CYP4V2: variants seen among roughly 807,000 people sequenced by gnomAD.
CYP4V2 encodes cytochrome P450 4V2.
Under a neutral mutation model 60.8 loss-of-function variants are expected in CYP4V2, and 55 were observed. That is an observed-to-expected ratio of 0.90 (90% CI 0.73 to 1.13). The LOEUF (loss-of-function observed/expected upper bound fraction) is 1.13. Among genes scored for constraint, CYP4V2 ranks in the 50% most tolerant of loss-of-function variants. The pLI is 0.00. For synonymous variants in CYP4V2, 239 were observed against 236.8 expected, an observed-to-expected ratio of 1.01 and a Z score of -0.08; for missense variants, 675 against 662.9, an observed-to-expected ratio of 1.02 and a Z score of -0.20.
At chr4:186,202,327 T>G (rs1365572664) in intron 7 of CYP4V2, 1 of 152,194 alleles carries the variant, frequency 6.6e-6, no homozygotes, top group African/African-American at 2.4e-5. Flanking sequence ...TAGAGAGGTG[T>G]TAAGTGTGTG....
Position 186,210,628 on chromosome 4 carries a change from C to G in CYP4V2, c.1565C>G (p.Ala522Gly), listed in dbSNP as rs1266505293. 6.2e-7 allele frequency: 1 copy of G among 1,613,978 alleles called. No individual in the cohort carries two copies. Residue 522 changes from alanine (A) to glycine (G), a missense_variant, in exon 11 of 11, where the codon GCA becomes GGA. Ala to Gly is a moderately conservative substitution (Grantham distance 60, BLOSUM62 0). Transcript: ENST00000378802. ...GIWIKLKRRNADER is the reference protein window; with the variant it reads ...GIWIKLKRRNGDER ...TGGATCAAGTTGAAGAGGAGAAATG[C>G]AGATGAACGCTAACTATATTATTGG...
chr4:186,192,284 C>T (rs906793116), intron 1 of CYP4V2: 7 of 696,442 alleles, frequency 1.0e-5, no homozygotes, highest in Non-Finnish European at 1.8e-5. Context: ...CCCCTGCCCT[C>T]GGTCTTTTCC....
intron 7 of CYP4V2, chr4:186,204,722 C>T (rs1247256780): frequency 1.7e-5 from 4 of 237,926 alleles, no homozygotes; most frequent in Non-Finnish European, 3.4e-5. Flanking sequence ...TTGCCTAAAA[C>T]TCAGCAAGTA....
intron 7 of CYP4V2, chr4:186,202,508 G>A (rs778431774): frequency 1.3e-5 from 2 of 152,010 alleles, no homozygotes; most frequent in Non-Finnish European, 2.9e-5. Flanking sequence ...ATAAGTATGC[G>A]GCACATACCG....
In CYP4V2 at chr4:186,212,644, G is replaced by A. The variant is rs1736762996; in HGVS notation, c.*2003G>A. On this transcript the variant is annotated 3_prime_UTR_variant, in exon 11 of 11. Coordinates refer to ENST00000378802, the MANE Select transcript of CYP4V2 (RefSeq NM_207352.4). ...GGTCAATGGCTTTTGGAACTGGAAG[G>A]ACCTTAGAACTTATCTGTTATGCTC... 1.3e-5 allele frequency: 2 copies of A among 152,224 alleles called. 1 individual carries two copies. Among genetic ancestry groups the A allele is most frequent in the Admixed American group, 1.3e-4 (2 of 15,280 alleles). The allele number at this position is 152,224 out of a possible 1,614,324, so 9.4% of individuals were successfully genotyped here.
intron 7 of CYP4V2, chr4:186,202,342 C>G (rs1326106260): frequency 6.6e-6 from 1 of 152,186 alleles, no homozygotes; most frequent in East Asian, 1.9e-4. Context: ...TGTGTGGGCT[C>G]TAAGATCAAA....
chr4:186,207,278 A>G (rs1736538691), intron 8 of CYP4V2, among the ~76,000 whole-genome samples: 2 of 151,806 alleles, frequency 1.3e-5, no homozygotes, highest in Non-Finnish European at 2.9e-5. Context: ...GCATGGTGGC[A>G]GGTGCCTGTA....
At chr4:186,205,154 C>T (rs200233718) in intron 7 of CYP4V2, 46 bp from the exon 8 acceptor site, 30 of 1,571,776 alleles carry the variant, frequency 1.9e-5, no homozygotes, top group South Asian at 3.3e-5. Context: ...TCCTAATCAT[C>T]GCAGCATAAC....
At position 186,195,395 on chromosome 4, in the gene CYP4V2, G is replaced by C. The variant is rs1018638713; in HGVS notation, c.328-608G>C. On this transcript the variant is annotated intron_variant, in intron 2 of 10. Transcript: ENST00000378802. The surrounding 1 kb of genome is among the most constrained non-coding windows in gnomAD (Gnocchi z 4.1). ...AGTTGGTGTGGTGGATGCAGATGGA[G>C]ATCTGTCCAGAGTAGGGGACTTGAG... is the stretch of plus-strand genomic sequence containing the variant. Among the ~76,000 whole-genome samples the C allele has an allele frequency of 2.6e-5, 4 of 152,216 alleles. No individual in the cohort carries two copies. The highest frequency in any genetic ancestry group is 4.8e-5 in the African/African-American group (2 of 41,452).
intron 7 of CYP4V2, chr4:186,202,667 CAG>C (rs1736345439): frequency 6.1e-5 from 4 of 65,072 alleles, no homozygotes; most frequent in Admixed American, 1.7e-4. Context: ...TACACATGCA[CAG>C]ACACATGTAT....
At chr4:186,205,966 C>T (rs1201674160) in intron 8 of CYP4V2, among the ~76,000 whole-genome samples, 1 of 152,188 alleles carries the variant, frequency 6.6e-6, no homozygotes, top group East Asian at 1.9e-4. Context: ...GGGAGGTTCA[C>T]AGCAGCGACG....
rs769304890 is a variant in CYP4V2 at position 186,191,812 on chromosome 4, C to T, written c.-12C>T. On this transcript the variant is annotated 5_prime_UTR_variant, in exon 1 of 11. Coordinates refer to ENST00000378802, the MANE Select transcript of CYP4V2 (RefSeq NM_207352.4). ...TTTCCCGGAGTGCACCCCGCGGCCG[C>T]CAGCCGGGGCGATGGCGGGGCTCTG... 1 of 1,538,806 alleles carries T rather than the reference C, an allele frequency of 6.5e-7. No individual in the cohort carries two copies. The highest frequency in any genetic ancestry group is 8.7e-7 in the Non-Finnish European group (1 of 1,149,478).
intron 2 of CYP4V2, 86 bp downstream of exon 2, chr4:186,194,698 A>G: frequency 8.5e-7 from 1 of 1,179,970 alleles, no homozygotes; most frequent in Non-Finnish European, 1.3e-6. Context: ...GTGTCCTTAT[A>G]TTTCAGCCAT....
chr4:186,197,288 G>A, intron 4 of CYP4V2, 158 bp downstream of exon 4: 1 of 966,014 alleles, frequency 1.0e-6, no homozygotes, highest in Non-Finnish European at 1.6e-6. Flanking sequence ...AGGAGCAGCA[G>A]CCACGCCCAG....
rs2126590868 is a variant in CYP4V2, at chr4:186,202,394, C to T, written c.987+1052C>T. ...GGGACCATGACCTCAAGCACCTCAC[C>T]TAGCCGTTCTGGGCCTGAATATTCT... On this transcript the variant is annotated intron_variant, in intron 7 of 10. Coordinates refer to ENST00000378802, the MANE Select transcript of CYP4V2 (RefSeq NM_207352.4). 1.3e-5 allele frequency: 2 copies of T among 152,264 alleles called. 1 individual carries two copies. Among genetic ancestry groups the T allele is most frequent in the Middle Eastern group, 6.8e-3 (2 of 294 alleles). 9.4% of individuals were successfully genotyped at this position (152,264 alleles called of 1,614,324 possible).
In CYP4V2 at chr4:186,208,858, T is replaced by C; in HGVS notation, c.1091-7T>C. 6.2e-7 allele frequency: 1 copy of C among 1,614,222 alleles called. No individual in the cohort carries two copies. The highest frequency in any genetic ancestry group is 8.5e-7 in the Non-Finnish European group (1 of 1,180,038). On this transcript the variant is annotated splice_polypyrimidine_tract_variant and splice_region_variant and intron_variant, in intron 8 of 10. Coordinates refer to ENST00000378802, the MANE Select transcript of CYP4V2 (RefSeq NM_207352.4). Reference sequence around the variant, plus strand: ...TTCAGGTCATCTTATCTACTTGCTTTCATCAGGGAAGTCTGACCGTCCCGC... The same window carrying C: ...TTCAGGTCATCTTATCTACTTGCTTCCATCAGGGAAGTCTGACCGTCCCGC...
At chr4:186,199,965 A>G (rs1736260809) in intron 6 of CYP4V2, among the ~76,000 whole-genome samples, 1 of 152,204 alleles carries the variant, frequency 6.6e-6, no homozygotes, top group African/African-American at 2.4e-5. Flanking sequence ...AATGATGAAT[A>G]AATCAGTAGA....
intron 7 of CYP4V2, chr4:186,204,982 G>T: frequency 3.3e-6 from 2 of 608,514 alleles, no homozygotes; most frequent in Non-Finnish European, 5.9e-6. Context: ...GTGCAACACC[G>T]TGCGGCGTGG....
chr4:186,192,344 G>C (rs1736016303), intron 1 of CYP4V2: 1 of 608,020 alleles, frequency 1.6e-6, no homozygotes, highest in Non-Finnish European at 3.1e-6. Context: ...CTCCTGCCTT[G>C]GCTTGGGAAG....
Sources: allele counts gnomAD v4.1 joint callset (sites outside exome capture counted in the v4.1 genomes callset), GRCh38; gene constraint gnomAD v4.1.1; non-coding constraint Gnocchi (gnomAD v3.1); transcripts MANE v1.5; gene names NCBI Gene and HGNC (gene_info 2026-07-23, HGNC 2026-07-21).